The following PRICKLE2 variants were observed in gnomAD, a reference collection of about 807,000 sequenced individuals.
PRICKLE2 encodes prickle planar cell polarity protein 2.
In PRICKLE2, 21 loss-of-function variants were observed where a neutral mutation model predicts 81.4. The ratio of observed to expected loss-of-function variants is 0.26; its 90% CI spans 0.18 to 0.37. The LOEUF is 0.37. PRICKLE2 is among the 10% of genes least tolerant of loss of function. The probability of loss-of-function intolerance (pLI) is 1.00; values close to 1 mark genes in which losing one functional copy is unlikely to be tolerated. For missense variants in PRICKLE2, 940 were observed against 1,109.0 expected, an observed-to-expected ratio of 0.85 and a Z score of 2.16; for synonymous variants, 456 against 421.5, an observed-to-expected ratio of 1.08 and a Z score of -1.00.
chr3:64,102,537 A>G (rs1009878134), intron 7 of PRICKLE2: 2 of 152,966 alleles, frequency 1.3e-5, no homozygotes, highest in African/African-American at 4.8e-5. Context: ...TAGTTGCAGG[A>G]AAACAAGCTC....
At chr3:64,251,193 A>G (rs1485010843) in intron 2 of PRICKLE2, among the ~76,000 whole-genome samples, 2 of 152,362 alleles carry the variant, frequency 1.3e-5, no homozygotes, top group East Asian at 3.9e-4. Flanking sequence ...TTCCATGACT[A>G]AAAGGCTTAG....
intron 7 of PRICKLE2, among the ~76,000 whole-genome samples, chr3:64,144,845 A>G (rs697270): frequency 0.23 from 35,673 of 152,042 alleles, 4,459 homozygotes; most frequent in Admixed American, 0.35. Context: ...GCCTGCTGAA[A>G]ACGCACTTGG....
intron 5 of PRICKLE2, among the ~76,000 whole-genome samples, chr3:64,156,579 G>A (rs115205417): frequency 1.4e-3 from 219 of 152,272 alleles, no homozygotes; most frequent in African/African-American, 5.1e-3. Flanking sequence ...CCAGGCAGAG[G>A]TTTTGCGTTC....
intron 6 of PRICKLE2, among the ~76,000 whole-genome samples, chr3:64,148,192 T>G (rs566440913): frequency 6.6e-6 from 1 of 152,290 alleles, no homozygotes; most frequent in East Asian, 1.9e-4. Flanking sequence ...CAGGAAGTCT[T>G]ATTCTCAACC....
intron 2 of PRICKLE2, among the ~76,000 whole-genome samples, chr3:64,176,846 A>G (rs1164852652): frequency 1.3e-5 from 2 of 152,242 alleles, no homozygotes; most frequent in Non-Finnish European, 2.9e-5. Context: ...CATAAAAACA[A>G]TTGTGAGAAT....
intron 2 of PRICKLE2, chr3:64,187,682 C>T (rs1189201397): frequency 6.6e-6 from 1 of 152,250 alleles, no homozygotes; most frequent in Non-Finnish European, 1.5e-5. Context: ...AAGCCAAAAC[C>T]ACCCAGCAGA....
intron 7 of PRICKLE2, among the ~76,000 whole-genome samples, chr3:64,142,161 A>C (rs962640401): frequency 1.3e-5 from 2 of 152,152 alleles, no homozygotes; most frequent in Admixed American, 1.3e-4. Context: ...TGTGCTTAGA[A>C]TATTAGCCAC....
chr3:64,252,099 A>G (rs557960263), intron 2 of PRICKLE2, among the ~76,000 whole-genome samples: 1 of 152,204 alleles, frequency 6.6e-6, no homozygotes, highest in Non-Finnish European at 1.5e-5. Flanking sequence ...AATCAACCCA[A>G]CATGGTCTAA....
Position 64,160,007 on chromosome 3 carries a change from C to A in PRICKLE2, c.329G>T (p.Arg110Leu). Residue 110 changes from arginine to leucine, a missense_variant, in exon 4 of 8, where the codon CGC becomes CTC. Transcript: ENST00000638394. ...GACATTCCCGCGGCCCAAGTTTTCG[C>A]GTTTCCTCTGGCTGCTGAAAAGCTT... is the stretch of plus-strand genomic sequence containing the variant. ...ELKLFSSQRK[R>L]ENLGRGNVRP... 1 of 1,614,146 alleles carries A rather than the reference C, an allele frequency of 6.2e-7. No individual in the cohort carries two copies. Among genetic ancestry groups the A allele is most frequent in the Non-Finnish European group, 8.5e-7 (1 of 1,180,022 alleles).
At chr3:64,198,264 A>C (rs2078500421) in intron 2 of PRICKLE2, among the ~76,000 whole-genome samples, 1 of 141,810 alleles carries the variant, frequency 7.1e-6, no homozygotes, top group African/African-American at 2.8e-5. Context: ...ATAAAACAAA[A>C]AAAATTTCAA....
intron 7 of PRICKLE2, among the ~76,000 whole-genome samples, chr3:64,141,419 A>G (rs1409010538): frequency 1.3e-5 from 2 of 152,232 alleles, no homozygotes; most frequent in Non-Finnish European, 2.9e-5. Context: ...TATGGAAAGT[A>G]CTTAGAAAAA....
chr3:64,259,946 G>T (rs546781801), intron 2 of PRICKLE2, among the ~76,000 whole-genome samples: 31 of 152,256 alleles, frequency 2.0e-4, no homozygotes, highest in Non-Finnish European at 3.5e-4. Context: ...TGGTACAGCA[G>T]CCCTAGGAAA....
intron 7 of PRICKLE2, 83 bp from the exon 8 acceptor site, chr3:64,100,008 G>A (rs2076630767): frequency 2.7e-6 from 4 of 1,462,436 alleles, no homozygotes. Flanking sequence ...CATCTATCTA[G>A]GGTCATTATA....
upstream of PRICKLE2, among the ~76,000 whole-genome samples, chr3:64,226,899 G>A (rs1360413286): frequency 1.3e-5 from 2 of 152,294 alleles, no homozygotes; most frequent in East Asian, 3.9e-4. Flanking sequence ...CTGGGAGGGA[G>A]GAATATTCCA....
intron 2 of PRICKLE2, among the ~76,000 whole-genome samples, chr3:64,235,669 A>G (rs62247388): frequency 0.13 from 19,933 of 152,160 alleles, 1,586 homozygotes; most frequent in East Asian, 0.23. Flanking sequence ...TCCTATTGAT[A>G]TCACACCCAA....
At chr3:64,265,689 AC>A (rs1482203772) in intron 2 of PRICKLE2, among the ~76,000 whole-genome samples, 6 of 152,296 alleles carry the variant, frequency 3.9e-5, no homozygotes, top group African/African-American at 1.4e-4. Context: ...ACACAAGACC[AC>A]TTAGCCTGCT....
intron 7 of PRICKLE2, among the ~76,000 whole-genome samples, chr3:64,114,298 G>A (rs934492446): frequency 1.3e-4 from 20 of 151,992 alleles, no homozygotes; most frequent in African/African-American, 4.6e-4. Flanking sequence ...CTGAAAATAC[G>A]AAAAGCCAGA....
chr3:64,190,710 A>G (rs897195294), intron 2 of PRICKLE2, among the ~76,000 whole-genome samples: 2 of 152,202 alleles, frequency 1.3e-5, no homozygotes, highest in Non-Finnish European at 2.9e-5. Context: ...TAGCCAAACC[A>G]TTACAGACAG....
rs976249684 is a variant in PRICKLE2 at position 64,137,187 on chromosome 3, A to G, written c.1660+9643T>C. On this transcript the variant is annotated intron_variant, in intron 7 of 7. Coordinates refer to ENST00000638394, the MANE Select transcript of PRICKLE2 (RefSeq NM_198859.4). ...TGTTTTCCTTACTCTCCATATTTTA[A>G]AAACTAAATGGCTTGAGTTTTAAAG... Among the ~76,000 whole-genome samples the G allele has an allele frequency of 2.0e-5, 3 of 152,196 alleles. No homozygotes were observed. In the South Asian group the frequency reaches 6.2e-4, roughly 32 times the overall value.
Sources: gnomAD v4.1 joint callset for allele counts (sites outside exome capture counted in the v4.1 genomes callset) on GRCh38, gnomAD v4.1.1 for gene constraint, MANE v1.5 for transcripts, NCBI Gene and HGNC (gene_info 2026-07-23, HGNC 2026-07-21) for gene names.